The following UBE2E2 variants were observed in gnomAD, a reference collection of about 807,000 sequenced individuals.
UBE2E2 encodes ubiquitin conjugating enzyme E2 E2, also known as ubiquitin-conjugating enzyme E2 E2.
In UBE2E2, 6 loss-of-function variants were observed where a neutral mutation model predicts 24.7. That is an observed-to-expected ratio of 0.24 (90% CI 0.13 to 0.48). The LOEUF is 0.48. UBE2E2 is among the 20% of genes least tolerant of loss of function. The probability of loss-of-function intolerance (pLI) is 0.99; values close to 1 mark genes in which losing one functional copy is unlikely to be tolerated. For synonymous variants in UBE2E2, 104 were observed against 83.6 expected (o/e 1.24, Z -1.33); for missense variants, 169 against 245.0 (o/e 0.69, Z 2.07).
chr3:23,375,665 T>G (rs1248380322), intron 3 of UBE2E2, among the ~76,000 whole-genome samples: 1 of 152,232 alleles, frequency 6.6e-6, no homozygotes, highest in Non-Finnish European at 1.5e-5. Flanking sequence ...CAAGCCATTA[T>G]TGGATAATAA....
At chr3:23,258,252 G>C (rs1697790714) in intron 3 of UBE2E2, among the ~76,000 whole-genome samples, 1 of 152,166 alleles carries the variant, frequency 6.6e-6, no homozygotes, top group Admixed American at 6.5e-5. Context: ...ATGGTGACTA[G>C]CAGATATTTT....
At chr3:23,499,284 T>TGTCTCTGACATCACAAATAATTTC (rs1287003594) in intron 3 of UBE2E2, among the ~76,000 whole-genome samples, 1 of 152,236 alleles carries the variant, frequency 6.6e-6, no homozygotes, top group Non-Finnish European at 1.5e-5. Context: ...TTTGAAATTT[T>TGTCTCTGACATCACAAATAATTTC]GTCTCTGACA....
chr3:23,269,650 A>T (rs1698177479), intron 3 of UBE2E2, among the ~76,000 whole-genome samples: 1 of 152,200 alleles, frequency 6.6e-6, no homozygotes, highest in Non-Finnish European at 1.5e-5. Context: ...CTGGGCACCA[A>T]AGAGCAGCTT....
At chr3:23,255,958 C>T (rs749033910) in intron 3 of UBE2E2, among the ~76,000 whole-genome samples, 1 of 152,122 alleles carries the variant, frequency 6.6e-6, no homozygotes, top group Non-Finnish European at 1.5e-5. Flanking sequence ...CTGGGCAACA[C>T]GGCAAGACTC....
At chr3:23,394,092 G>T (rs1235768993) in intron 3 of UBE2E2, among the ~76,000 whole-genome samples, 1 of 152,224 alleles carries the variant, frequency 6.6e-6, no homozygotes, top group Non-Finnish European at 1.5e-5. Flanking sequence ...AGGATGGACT[G>T]TGTGCATAAT....
At chr3:23,319,728 T>C (rs1031977902) in intron 3 of UBE2E2, among the ~76,000 whole-genome samples, 1 of 148,374 alleles carries the variant, frequency 6.7e-6, no homozygotes, top group Admixed American at 6.7e-5. Context: ...GGCAGGAGAA[T>C]TGCTTGAACC....
chr3:23,442,985 G>A (rs1015742745), intron 3 of UBE2E2, among the ~76,000 whole-genome samples: 12 of 152,158 alleles, frequency 7.9e-5, no homozygotes, highest in Non-Finnish European at 1.3e-4. Context: ...TATATTAGAT[G>A]TATATTACCT....
intron 5 of UBE2E2, among the ~76,000 whole-genome samples, chr3:23,536,262 A>G (rs116729088): frequency 6.6e-6 from 1 of 152,200 alleles, no homozygotes; most frequent in African/African-American, 2.4e-5. Flanking sequence ...TGGGTATTTT[A>G]CCTCATGCAA....
intron 3 of UBE2E2, chr3:23,270,971 T>A (rs1698225495): frequency 2.2e-6 from 1 of 456,608 alleles, no homozygotes; most frequent in Non-Finnish European, 4.4e-6. Flanking sequence ...TTCGATCTGC[T>A]TGCATCTCTT....
chr3:23,404,900 A>C (rs1283120402), intron 3 of UBE2E2, among the ~76,000 whole-genome samples: 1 of 152,236 alleles, frequency 6.6e-6, no homozygotes, highest in Non-Finnish European at 1.5e-5. Context: ...GGGAAATCTG[A>C]GATACAAGTA....
intron 2 of UBE2E2, among the ~76,000 whole-genome samples, chr3:23,216,479 A>G (rs1696478816): frequency 6.6e-6 from 1 of 152,160 alleles, no homozygotes; most frequent in African/African-American, 2.4e-5. Context: ...GGCAAAGGAG[A>G]AGAAACGGTT....
intron 3 of UBE2E2, among the ~76,000 whole-genome samples, chr3:23,260,641 C>A (rs566598513): frequency 1.3e-5 from 2 of 152,106 alleles, no homozygotes; most frequent in African/African-American, 4.8e-5. Flanking sequence ...AGTAAAACCC[C>A]ATCTCTACAA....
chr3:23,348,347 CAAA>C (rs35038477), intron 3 of UBE2E2, among the ~76,000 whole-genome samples: 10 of 121,942 alleles, frequency 8.2e-5, no homozygotes, highest in South Asian at 2.8e-4. Flanking sequence ...GTGCTGCTTT[CAAA>C]AAAAAAAAAA....
intron 5 of UBE2E2, among the ~76,000 whole-genome samples, chr3:23,570,133 G>C (rs1387760544): frequency 6.6e-6 from 1 of 152,106 alleles, no homozygotes; most frequent in Non-Finnish European, 1.5e-5. Flanking sequence ...AAAATGCGAG[G>C]AACATGGTCT....
In UBE2E2 at chr3:23,501,270, C is replaced by T. The variant is rs190609390; in HGVS notation, c.360+1530C>T. 3.7e-3 allele frequency among the ~76,000 whole-genome samples: 556 copies of T among 152,282 alleles called. 2 individuals are homozygous for T. The highest frequency in any genetic ancestry group is 0.012 in the African/African-American group (502 of 41,552). On this transcript the variant is annotated intron_variant, in intron 4 of 5. Transcript: ENST00000396703. Reference sequence around the variant, plus strand: ...AGTTTCAGAAAATGTGTGGGCTTATCCTAGTTCTGAATGACAGAAATGTGT... The same window carrying T: ...AGTTTCAGAAAATGTGTGGGCTTATTCTAGTTCTGAATGACAGAAATGTGT...
intron 3 of UBE2E2, among the ~76,000 whole-genome samples, chr3:23,428,812 G>A (rs1334073195): frequency 6.6e-6 from 1 of 150,958 alleles, no homozygotes; most frequent in African/African-American, 2.4e-5. Context: ...ATAGCCTGGT[G>A]CCACCACATC....
At chr3:23,275,104 A>G (rs1698348885) in intron 3 of UBE2E2, among the ~76,000 whole-genome samples, 1 of 152,216 alleles carries the variant, frequency 6.6e-6, no homozygotes, top group South Asian at 2.1e-4. Context: ...TGAGCAACCA[A>G]CCATTGTTGA....
intron 3 of UBE2E2, among the ~76,000 whole-genome samples, chr3:23,301,693 A>G (rs149633213): frequency 1.1e-3 from 175 of 152,210 alleles, no homozygotes; most frequent in African/African-American, 4.0e-3. Flanking sequence ...TCCACCCCCT[A>G]CTGAGAGATG....
At chr3:23,252,101 A>G (rs1379002100) in intron 3 of UBE2E2, among the ~76,000 whole-genome samples, 1 of 152,202 alleles carries the variant, frequency 6.6e-6, no homozygotes, top group African/African-American at 2.4e-5. Context: ...AAATTAGTTA[A>G]ACTGGAAAAG....
Sources: allele counts gnomAD v4.1 joint callset (sites outside exome capture counted in the v4.1 genomes callset), GRCh38; gene constraint gnomAD v4.1.1; transcripts MANE v1.5; gene names NCBI Gene and HGNC (gene_info 2026-07-23, HGNC 2026-07-21).